Variants in DFFB observed in about 807,000 individuals in gnomAD.
DFFB encodes the protein DNA fragmentation factor subunit beta.
In DFFB, 29 loss-of-function variants were observed where a neutral mutation model predicts 32.7. That is an observed-to-expected ratio of 0.89 (90% CI 0.66 to 1.21). The LOEUF (loss-of-function observed/expected upper bound fraction) is 1.21, where lower values mean the gene tolerates loss of function less well. DFFB is among the 50% of genes most tolerant of loss of function. The pLI, the probability that DFFB is intolerant of heterozygous loss-of-function variation, is 0.00. For missense variants in DFFB, 398 were observed against 440.6 expected (o/e 0.90, Z 0.87); for synonymous variants, 170 against 177.1 (o/e 0.96, Z 0.32).
chr1:3,878,723 C>T (rs573287944), intron 6 of DFFB, among the ~76,000 whole-genome samples: 94 of 152,270 alleles, frequency 6.2e-4, no homozygotes, highest in Middle Eastern at 3.4e-3. Flanking sequence ...TGACCCTCTG[C>T]GGTATTCTTT....
chr1:3,878,473 C>CCAAAA (rs1427780216), intron 6 of DFFB, among the ~76,000 whole-genome samples: 1 of 152,220 alleles, frequency 6.6e-6, no homozygotes, highest in Non-Finnish European at 1.5e-5. Flanking sequence ...CCTCTGTTGA[C>CCAAAA]CGTTTTGTTG....
intron 6 of DFFB, chr1:3,872,890 T>A: frequency 8.1e-7 from 1 of 1,227,838 alleles, no homozygotes; most frequent in Non-Finnish European, 1.0e-6. Context: ...AGAACACAGG[T>A]CCCAGCCCTT....
At chr1:3,877,476 C>T (rs527252342) in intron 6 of DFFB, among the ~76,000 whole-genome samples, 2 of 151,360 alleles carry the variant, frequency 1.3e-5, no homozygotes, top group African/African-American at 2.4e-5. Flanking sequence ...ATTACAGGTG[C>T]GTGCCACCCC....
intron 4 of DFFB, 96 bp downstream of exon 4, chr1:3,868,149 A>G: frequency 2.7e-6 from 3 of 1,095,022 alleles, no homozygotes; most frequent in Non-Finnish European, 4.2e-6. Context: ...GGTAGTTGGT[A>G]GGACCACACT....
chr1:3,862,485 T>A (rs1644895913), intron 2 of DFFB, among the ~76,000 whole-genome samples: 1 of 152,106 alleles, frequency 6.6e-6, no homozygotes, highest in Non-Finnish European at 1.5e-5. Context: ...GCCACAGTAA[T>A]CAAGACTGAC....
chr1:3,865,415 C>T lies in DFFB; in HGVS notation c.242-397C>T, dbSNP rs80311127. ...CTATTAAGAGCCTGCCCGGAGAGCT[C>T]GCTGCTTTAGGGAGTTGTGAAAAGG... is the stretch of plus-strand genomic sequence containing the variant. On this transcript the variant is annotated intron_variant, in intron 2 of 6. Coordinates refer to ENST00000378209, the MANE Select transcript of DFFB (RefSeq NM_004402.4). This position sits in a 1 kb window ranked among gnomAD's most constrained non-coding sequence, Gnocchi z 4.7. Among the ~76,000 whole-genome samples, 1,499 of 152,134 alleles carry T rather than the reference C, an allele frequency of 9.9e-3. 53 individuals are homozygous for T. The East Asian group carries it at 0.1, about 10-fold the overall frequency.
intron 6 of DFFB, among the ~76,000 whole-genome samples, chr1:3,880,192 C>T (rs12038647): frequency 0.18 from 27,290 of 152,072 alleles, 2,494 homozygotes; most frequent in African/African-American, 0.21. Flanking sequence ...AAGGCTGGCA[C>T]CCAGGCCTGG....
chr1:3,883,471 A>G, intron 6 of DFFB, 36 bp from the exon 7 acceptor site: 1 of 1,587,940 alleles, frequency 6.3e-7, no homozygotes, highest in South Asian at 1.1e-5. Context: ...TGGCACTGTG[A>G]CCACAGAAAA....
intron 1 of DFFB, among the ~76,000 whole-genome samples, chr1:3,858,370 G>A (rs577802768): frequency 6.6e-6 from 1 of 152,328 alleles, no homozygotes; most frequent in Non-Finnish European, 1.5e-5. Context: ...GTGTGCTGGG[G>A]ATGGTGGTGT....
intron 6 of DFFB, among the ~76,000 whole-genome samples, chr1:3,878,981 T>C (rs1015358162): frequency 2.6e-5 from 4 of 152,200 alleles, no homozygotes; most frequent in African/African-American, 7.2e-5. Flanking sequence ...CTTGAGTAAT[T>C]ATTTAGTTAG....
intron 4 of DFFB, among the ~76,000 whole-genome samples, chr1:3,868,550 C>CT (rs70940335): frequency 0.49 from 42,272 of 85,916 alleles, 12,374 homozygotes; most frequent in African/African-American, 0.54. Context: ...TCCACCCCAT[C>CT]GAATGTGGAT....
intron 6 of DFFB, 112 bp downstream of exon 6, chr1:3,872,684 G>A: frequency 1.0e-6 from 1 of 955,132 alleles, no homozygotes; most frequent in South Asian, 1.4e-5. Flanking sequence ...CCCTGCCACG[G>A]TGTTGCCTCC....
chr1:3,862,994 C>T (rs1644906640), intron 2 of DFFB, among the ~76,000 whole-genome samples: 1 of 152,084 alleles, frequency 6.6e-6, no homozygotes, highest in Admixed American at 6.5e-5. Flanking sequence ...ACTAAAAATA[C>T]AAAAATTAGC....
Position 3,872,887 on chromosome 1 carries a change from A to G in DFFB, c.782+315A>G, listed in dbSNP as rs1645148746. 3.3e-6 allele frequency: 4 copies of G among 1,224,718 alleles called. No homozygotes were observed. The South Asian group carries it at 6.7e-5, about 20-fold the overall frequency. The allele number at this position is 1,224,718 out of a possible 1,614,324, so 75.9% of individuals were successfully genotyped here. On this transcript the variant is annotated intron_variant, in intron 6 of 6. Transcript: ENST00000378209. ...TGGGCAGCGTCCTTCCCCAGAACACAGGTCCCAGCCCTTGGCTGTCAGAGG... is the reference window on the plus strand; with the variant it reads ...TGGGCAGCGTCCTTCCCCAGAACACGGGTCCCAGCCCTTGGCTGTCAGAGG...
At chr1:3,873,494 T>TC (rs1403601115) in intron 6 of DFFB, among the ~76,000 whole-genome samples, 1 of 149,292 alleles carries the variant, frequency 6.7e-6, no homozygotes, top group African/African-American at 2.5e-5. Context: ...TTTTTTTTTT[T>TC]CTGAGATGGA....
chr1:3,866,152 G>A (rs1329123309), intron 3 of DFFB, 152 bp downstream of exon 3: 1 of 727,088 alleles, frequency 1.4e-6, no homozygotes. Context: ...TCATTTCCCA[G>A]CATTTCCCAG....
chr1:3,862,707 C>T (rs149862078), intron 2 of DFFB, among the ~76,000 whole-genome samples: 2 of 152,224 alleles, frequency 1.3e-5, no homozygotes, highest in East Asian at 3.9e-4. Flanking sequence ...AAATGAAAGA[C>T]CTAAATGTAA....
At chr1:3,880,864 G>A (rs78883147) in intron 6 of DFFB, among the ~76,000 whole-genome samples, 52 of 152,310 alleles carry the variant, frequency 3.4e-4, no homozygotes, top group African/African-American at 1.2e-3. Context: ...TGATTCCTGC[G>A]GATGCCCAGG....
chr1:3,857,688 G>T lies in DFFB; in HGVS notation c.85G>T (p.Val29Leu). The T allele has an allele frequency of 1.9e-6, 3 of 1,579,604 alleles. No homozygotes were observed. Among genetic ancestry groups the T allele is most frequent in the Non-Finnish European group, 2.6e-6 (3 of 1,163,938 alleles). The change falls in exon 1 of 7, where the codon GTG becomes TTG. Residue 29 changes from valine to leucine, a missense_variant. Physicochemically the swap from Val to Leu is conservative, Grantham distance 32. Transcript: ENST00000378209. ...FGVAGRSCQE[V>L]LRKGCLRFQL... ...CGTGGCTGGCCGGAGCTGCCAGGAG[G>T]TGCTGCGCAAGGGCTGTCTCCGCTT...
Sources: gnomAD v4.1 joint callset for allele counts (sites outside exome capture counted in the v4.1 genomes callset) on GRCh38, gnomAD v4.1.1 for gene constraint, Gnocchi (gnomAD v3.1) non-coding constraint, MANE v1.5 for transcripts, NCBI Gene and HGNC (gene_info 2026-07-23, HGNC 2026-07-21) for gene names.